EHHADH: variants seen among roughly 807,000 people sequenced by gnomAD.
EHHADH encodes enoyl-CoA hydratase and 3-hydroxyacyl CoA dehydrogenase.
EHHADH carries 48 observed loss-of-function variants against 64.4 expected under a neutral mutation model. The ratio of observed to expected loss-of-function variants is 0.75; its 90% CI spans 0.59 to 0.95. The LOEUF is 0.95. Ranked by LOEUF, EHHADH falls within the 40% of genes least tolerant of loss-of-function variation. The pLI is 0.00. For missense variants in EHHADH, 854 were observed against 876.6 expected, an observed-to-expected ratio of 0.97 and a Z score of 0.33; for synonymous variants, 308 against 326.7, an observed-to-expected ratio of 0.94 and a Z score of 0.62.
At chr3:185,208,183 G>A (rs551595562) in intron 5 of EHHADH, among the ~76,000 whole-genome samples, 8 of 152,292 alleles carry the variant, frequency 5.3e-5, no homozygotes, top group South Asian at 2.1e-4. Context: ...TGAAGCCCAC[G>A]TGGCAAAGAA....
At position 185,192,537 on chromosome 3, in the gene EHHADH, C is replaced by T; in HGVS notation, c.1861G>A (p.Glu621Lys). The T allele has an allele frequency of 6.2e-7, 1 of 1,614,156 alleles. No individual in the cohort carries two copies. Among genetic ancestry groups the T allele is most frequent in the Non-Finnish European group, 8.5e-7 (1 of 1,180,026 alleles). The part of the protein sequence containing the change: ...PRTISQDEIL[E>K]RCLYSLINEA... Reference sequence around the variant, plus strand: ...TTGATAAGTGAATATAAGCAGCGTTCAAGGATCTCATCCTGGCTAATGGTA... The same window carrying T: ...TTGATAAGTGAATATAAGCAGCGTTTAAGGATCTCATCCTGGCTAATGGTA... The change falls in exon 7 of 7, where the codon GAA becomes AAA. Residue 621 changes from glutamate to lysine, a missense_variant. Glu to Lys is a moderately conservative substitution (Grantham distance 56, BLOSUM62 1). Transcript: ENST00000231887.
intron 4 of EHHADH, among the ~76,000 whole-genome samples, chr3:185,229,078 G>C (rs1202262904): frequency 6.6e-6 from 1 of 152,182 alleles, no homozygotes; most frequent in Non-Finnish European, 1.5e-5. Flanking sequence ...TTACAGGCAT[G>C]AGCCACTGCG....
chr3:185,212,690 A>G (rs1718574381), intron 5 of EHHADH, among the ~76,000 whole-genome samples: 2 of 152,194 alleles, frequency 1.3e-5, no homozygotes, highest in South Asian at 4.1e-4. Context: ...TAAGACAGAG[A>G]CAGACTTTGC....
rs147997172 is a variant in EHHADH at position 185,233,377 on chromosome 3, G to T, written c.351+1913C>A. Among the ~76,000 whole-genome samples the T allele has an allele frequency of 3.9e-3, 586 of 152,110 alleles. 5 individuals are homozygous for T. The highest frequency in any genetic ancestry group is 0.013 in the African/African-American group (538 of 41,518). ...AAAAATATATATAGTAAAAGAAACA[G>T]CAAGAAAGTTACAAGGGTATACTTT... On this transcript the variant is annotated intron_variant, in intron 3 of 6. Transcript: ENST00000231887.
chr3:185,224,628 A>G (rs1360589968), intron 4 of EHHADH, among the ~76,000 whole-genome samples: 1 of 152,146 alleles, frequency 6.6e-6, no homozygotes, highest in Non-Finnish European at 1.5e-5. Flanking sequence ...ATTACCACAA[A>G]CTCAGAGGCT....
At chr3:185,227,741 G>A (rs1320713114) in intron 4 of EHHADH, among the ~76,000 whole-genome samples, 2 of 152,108 alleles carry the variant, frequency 1.3e-5, no homozygotes, top group African/African-American at 2.4e-5. Flanking sequence ...CAGGAGAATC[G>A]CTTGAACCTG....
At chr3:185,249,038 G>A (rs1042444955) in intron 1 of EHHADH, among the ~76,000 whole-genome samples, 2 of 152,192 alleles carry the variant, frequency 1.3e-5, no homozygotes, top group Non-Finnish European at 2.9e-5. Flanking sequence ...GAGCTGTGGC[G>A]GGGGCTGTGA....
At chr3:185,234,499 C>T (rs943047555) in intron 3 of EHHADH, among the ~76,000 whole-genome samples, 9 of 151,886 alleles carry the variant, frequency 5.9e-5, no homozygotes, top group African/African-American at 2.2e-4. Context: ...CAGGAGTTCC[C>T]CTGTAGCTGA....
intron 5 of EHHADH, among the ~76,000 whole-genome samples, chr3:185,206,640 C>A (rs1262415028): frequency 6.6e-6 from 1 of 151,886 alleles, no homozygotes; most frequent in African/African-American, 2.4e-5. Flanking sequence ...CCAGCCTGGG[C>A]AACATGGTGA....
At chr3:185,245,498 T>C in intron 2 of EHHADH, 1 of 1,064,020 alleles carries the variant, frequency 9.4e-7, no homozygotes, top group Admixed American at 2.3e-5. Context: ...CGCTTGCCCA[T>C]GACAGTCTGG....
chr3:185,247,023 T>C (rs534739273), intron 2 of EHHADH, among the ~76,000 whole-genome samples: 2 of 152,282 alleles, frequency 1.3e-5, no homozygotes, highest in African/African-American at 4.8e-5. Flanking sequence ...TCCAAACATA[T>C]GAGAATTACT....
At chr3:185,245,350 A>T in intron 2 of EHHADH, 1 of 392,092 alleles carries the variant, frequency 2.6e-6, no homozygotes, top group South Asian at 5.2e-5. Flanking sequence ...TAGCCAAAGA[A>T]CTTGGCAGCT....
chr3:185,218,674 G>T (rs1357925240), intron 4 of EHHADH, among the ~76,000 whole-genome samples: 2 of 151,856 alleles, frequency 1.3e-5, no homozygotes, highest in South Asian at 4.2e-4. Context: ...CAGCAGCAGA[G>T]TAATATATAG....
At chr3:185,226,286 C>T (rs1469260297) in intron 4 of EHHADH, among the ~76,000 whole-genome samples, 1 of 152,166 alleles carries the variant, frequency 6.6e-6, no homozygotes, top group Non-Finnish European at 1.5e-5. Context: ...GGTCCCCGTA[C>T]ATAGGAAAGG....
intron 2 of EHHADH, among the ~76,000 whole-genome samples, chr3:185,241,057 AT>A (rs1719437337): frequency 6.6e-6 from 1 of 152,002 alleles, no homozygotes; most frequent in South Asian, 2.1e-4. Flanking sequence ...AACGTACAAT[AT>A]TTGGTTTTCC....
intron 2 of EHHADH, chr3:185,245,583 C>G: frequency 2.6e-6 from 2 of 775,330 alleles, no homozygotes; most frequent in Admixed American, 2.1e-5. Context: ...AGTTGCATGT[C>G]CTTCTGCAGG....
At chr3:185,211,521 G>A (rs974516187) in intron 5 of EHHADH, among the ~76,000 whole-genome samples, 9 of 152,056 alleles carry the variant, frequency 5.9e-5, no homozygotes, top group South Asian at 2.1e-4. Context: ...CTCAACATGC[G>A]GTTCACGGAA....
intron 2 of EHHADH, among the ~76,000 whole-genome samples, chr3:185,247,206 T>G (rs1387114782): frequency 6.6e-6 from 1 of 152,216 alleles, no homozygotes; most frequent in Non-Finnish European, 1.5e-5. Context: ...TGCATTGTTC[T>G]ATGTAAATGT....
chr3:185,249,114 A>G (rs1719674913), intron 1 of EHHADH, among the ~76,000 whole-genome samples: 1 of 152,136 alleles, frequency 6.6e-6, no homozygotes, highest in Non-Finnish European at 1.5e-5. Context: ...TTTTACTTGA[A>G]TATATGTGAT....
Sources: gnomAD v4.1 joint callset for allele counts (sites outside exome capture counted in the v4.1 genomes callset) on GRCh38, gnomAD v4.1.1 for gene constraint, MANE v1.5 for transcripts, NCBI Gene and HGNC (gene_info 2026-07-23, HGNC 2026-07-21) for gene names.